KALRN: variants seen among roughly 807,000 people sequenced by gnomAD.
KALRN encodes the protein kalirin.
A neutral mutation model predicts 353.7 loss-of-function variants in KALRN; 70 were observed. The observed-to-expected ratio is 0.20, with a 90% CI of 0.16 to 0.24. The LOEUF (loss-of-function observed/expected upper bound fraction) is 0.24, where lower values mean the gene tolerates loss of function less well. Ranked by LOEUF, KALRN falls within the 10% of genes least tolerant of loss-of-function variation. The pLI, the probability that KALRN is intolerant of heterozygous loss-of-function variation, is 1.00. For synonymous variants in KALRN, 1,391 were observed against 1,434.8 expected (o/e 0.97, Z 0.69); for missense variants, 2,791 against 3,756.7 (o/e 0.74, Z 6.72).
At chr3:124,641,179 A>G (rs1199107441) in intron 37 of KALRN, among the ~76,000 whole-genome samples, 4 of 152,074 alleles carry the variant, frequency 2.6e-5, no homozygotes, top group African/African-American at 9.7e-5. Context: ...AAGGAACAAA[A>G]ACAGGGTTTA....
At chr3:124,137,372 G>A (rs1425458947) in intron 1 of KALRN, among the ~76,000 whole-genome samples, 1 of 152,146 alleles carries the variant, frequency 6.6e-6, no homozygotes, top group Non-Finnish European at 1.5e-5. Context: ...CTGTGAGCCT[G>A]CTGGTCCTGG....
chr3:124,398,262 T>A lies in KALRN; in HGVS notation c.2172-435T>A, dbSNP rs578081578. On this transcript the variant is annotated intron_variant, in intron 12 of 59. Coordinates refer to ENST00000682506, the MANE Select transcript of KALRN (RefSeq NM_001388419.1). ...AGTCTGTGAAGTAAAACTAGGAAGA[T>A]TTTTTTTAAAATATGCCTTTAGTAT... 6.0e-4 allele frequency among the ~76,000 whole-genome samples: 92 copies of A among 152,252 alleles called. 1 individual carries two copies. Among genetic ancestry groups the A allele is most frequent in the African/African-American group, 2.2e-3 (92 of 41,538 alleles).
chr3:124,377,038 T>C (rs183956187), intron 10 of KALRN, among the ~76,000 whole-genome samples: 1 of 152,312 alleles, frequency 6.6e-6, no homozygotes. Context: ...GGAGATTTTA[T>C]AGTGAGTTTT....
chr3:124,710,760 G>C (rs1417714593), intron 57 of KALRN, among the ~76,000 whole-genome samples: 10 of 152,222 alleles, frequency 6.6e-5, no homozygotes, highest in Admixed American at 6.5e-4. Context: ...CTGCACTCAA[G>C]CGTGGGTGAC....
At chr3:124,539,603 A>G (rs934081635) in intron 33 of KALRN, among the ~76,000 whole-genome samples, 7 of 152,358 alleles carry the variant, frequency 4.6e-5, no homozygotes, top group Admixed American at 3.3e-4. Context: ...TGCTGAATAA[A>G]GAAAGGACTA....
intron 33 of KALRN, among the ~76,000 whole-genome samples, chr3:124,549,137 C>A (rs1170009318): frequency 6.6e-6 from 1 of 152,092 alleles, no homozygotes; most frequent in Non-Finnish European, 1.5e-5. Context: ...AGTGGTGGAA[C>A]TTGAATTCAA....
At chr3:124,515,800 C>T (rs114295427) in intron 33 of KALRN, among the ~76,000 whole-genome samples, 1,969 of 152,264 alleles carry the variant, frequency 0.013, 50 homozygotes, top group African/African-American at 0.045. Context: ...GAAAAATCAT[C>T]TCAATAATGT....
chr3:124,178,477 A>G (rs1305547525), intron 1 of KALRN, among the ~76,000 whole-genome samples: 1 of 152,242 alleles, frequency 6.6e-6, no homozygotes, highest in African/African-American at 2.4e-5. Flanking sequence ...TAGATGGTAC[A>G]GACTACTATA....
At chr3:124,118,960 C>T (rs1211839180) in intron 1 of KALRN, among the ~76,000 whole-genome samples, 1 of 152,196 alleles carries the variant, frequency 6.6e-6, no homozygotes, top group Non-Finnish European at 1.5e-5. Flanking sequence ...TGACATTGAA[C>T]TCAGAGCTCT....
chr3:124,518,456 C>T (rs374030343), intron 33 of KALRN: 20 of 1,614,006 alleles, frequency 1.2e-5, no homozygotes, highest in South Asian at 4.4e-5. Flanking sequence ...TCTCCACTTA[C>T]GTTTAGCGCG....
chr3:124,279,765 G>C (rs1444007775), intron 5 of KALRN, among the ~76,000 whole-genome samples: 1 of 152,204 alleles, frequency 6.6e-6, no homozygotes, highest in Non-Finnish European at 1.5e-5. Context: ...CTACATTCAG[G>C]CCTGGCCATG....
chr3:124,542,339 T>C (rs1021291035), intron 33 of KALRN, among the ~76,000 whole-genome samples: 1 of 152,158 alleles, frequency 6.6e-6, no homozygotes, highest in Non-Finnish European at 1.5e-5. Context: ...AGCCTCAAAT[T>C]TCTGTTGAGG....
chr3:124,634,273 C>G (rs2081111045), intron 36 of KALRN, among the ~76,000 whole-genome samples: 1 of 152,190 alleles, frequency 6.6e-6, no homozygotes, highest in Non-Finnish European at 1.5e-5. Context: ...CAGGTAGTTC[C>G]AGTCCACAAC....
chr3:124,074,284 T>C (rs1264046717), intron 1 of KALRN, among the ~76,000 whole-genome samples: 1 of 152,238 alleles, frequency 6.6e-6, no homozygotes, highest in African/African-American at 2.4e-5. Context: ...ATGACTTTTC[T>C]ATGAATGTGT....
At chr3:124,622,695 C>A (rs2079415072) in intron 34 of KALRN, among the ~76,000 whole-genome samples, 1 of 152,186 alleles carries the variant, frequency 6.6e-6, no homozygotes, top group South Asian at 2.1e-4. Context: ...GAATTATCTT[C>A]TTTTTCTGTC....
At chr3:124,035,534 G>C (rs750769166) in intron 1 of KALRN, among the ~76,000 whole-genome samples, 3 of 152,062 alleles carry the variant, frequency 2.0e-5, no homozygotes, top group Non-Finnish European at 2.9e-5. Context: ...TTTACCTTTT[G>C]GTGCCCACTC....
intron 47 of KALRN, among the ~76,000 whole-genome samples, chr3:124,670,433 G>A (rs2086258194): frequency 6.6e-6 from 1 of 152,188 alleles, no homozygotes; most frequent in Admixed American, 6.5e-5. Context: ...CAGTGCTCTG[G>A]TGGGCCTGTT....
rs561436453 is a variant in KALRN at position 124,185,558 on chromosome 3, G to A, written c.74-42432G>A. Among the ~76,000 whole-genome samples the A allele has an allele frequency of 2.6e-4, 39 of 152,286 alleles. 2 individuals carry two copies. The South Asian group carries it at 7.5e-3, about 29-fold the overall frequency. ...TGTGATCCTCCAAGGTTGAGGACTC[G>A]CCTTCCTTGGCAGGTCTGTCTGGTG... On this transcript the variant is annotated intron_variant, in intron 1 of 59. Transcript: ENST00000682506.
chr3:124,294,559 C>G (rs1477958445), intron 5 of KALRN, among the ~76,000 whole-genome samples: 6 of 111,690 alleles, frequency 5.4e-5, no homozygotes, highest in Admixed American at 2.5e-4. Flanking sequence ...GAGTCTCGCA[C>G]TGTTCCCTGG....
Sources: gnomAD v4.1 joint callset for allele counts (sites outside exome capture counted in the v4.1 genomes callset) on GRCh38, gnomAD v4.1.1 for gene constraint, MANE v1.5 for transcripts, NCBI Gene and HGNC (gene_info 2026-07-23, HGNC 2026-07-21) for gene names.